Variants in SH3RF3 observed in about 807,000 individuals in gnomAD.
SH3RF3 encodes the protein SH3 domain containing ring finger 3.
A neutral mutation model predicts 66.3 loss-of-function variants in SH3RF3; 29 were observed. The ratio of observed to expected loss-of-function variants is 0.44; its 90% confidence interval spans 0.33 to 0.60. The LOEUF is 0.60. Among genes scored for constraint, SH3RF3 ranks in the 20% least tolerant of loss-of-function variants. SH3RF3 has a pLI of 0.04. For missense variants in SH3RF3, 1,194 were observed against 1,190.9 expected (o/e 1.00, Z -0.04); for synonymous variants, 583 against 532.0 (o/e 1.10, Z -1.32).
chr2:109,221,857 A>G (rs1388189509), intron 1 of SH3RF3, among the ~76,000 whole-genome samples: 2 of 151,902 alleles, frequency 1.3e-5, no homozygotes, highest in Admixed American at 1.3e-4. Context: ...ACTGCTGGGT[A>G]TTTATCCAAA....
At position 109,443,394 on chromosome 2, in the gene SH3RF3, G is replaced by A. The variant is rs146961183; in HGVS notation, c.1829-5776G>A. Among the ~76,000 whole-genome samples, 68 of 152,248 alleles carry A rather than the reference G, an allele frequency of 4.5e-4. No homozygotes were observed. The East Asian group carries it at 0.011, about 24-fold the overall frequency. Reference sequence around the variant, plus strand: ...TCTGTGTGACGCTGAAACAAAAATCGCCTTGTTCAACCTCAGCTGGGAATA... The same window carrying A: ...TCTGTGTGACGCTGAAACAAAAATCACCTTGTTCAACCTCAGCTGGGAATA... On this transcript the variant is annotated intron_variant, in intron 7 of 9. Transcript: ENST00000309415.
At chr2:109,466,160 G>A (rs1178693523) in intron 8 of SH3RF3, among the ~76,000 whole-genome samples, 1 of 133,204 alleles carries the variant, frequency 7.5e-6, no homozygotes, top group African/African-American at 2.8e-5. Context: ...GCTCACTGCT[G>A]CAACCTCTGC....
chr2:109,423,709 C>T (rs773987316), intron 5 of SH3RF3, among the ~76,000 whole-genome samples: 11 of 152,190 alleles, frequency 7.2e-5, no homozygotes, highest in Non-Finnish European at 1.3e-4. Context: ...TTTGACAGTG[C>T]CCAGCCTTGT....
intron 8 of SH3RF3, among the ~76,000 whole-genome samples, chr2:109,464,440 C>T (rs13387929): frequency 0.016 from 2,461 of 152,170 alleles, 50 homozygotes; most frequent in African/African-American, 0.054. Context: ...CACACATTCG[C>T]GTACATATAA....
intron 8 of SH3RF3, among the ~76,000 whole-genome samples, chr2:109,458,779 A>C (rs987170275): frequency 1.5e-4 from 23 of 152,216 alleles, no homozygotes; most frequent in African/African-American, 4.3e-4. Flanking sequence ...GGCGAGGCCC[A>C]CCCACATTAT....
At chr2:109,472,149 C>T (rs1209547372) in intron 8 of SH3RF3, among the ~76,000 whole-genome samples, 5 of 152,222 alleles carry the variant, frequency 3.3e-5, no homozygotes, top group African/African-American at 7.2e-5. Context: ...CCACCTGTGA[C>T]CTCATGGTAG....
At chr2:109,304,107 A>C (rs866874782) in intron 1 of SH3RF3, among the ~76,000 whole-genome samples, 1 of 151,808 alleles carries the variant, frequency 6.6e-6, no homozygotes, top group Non-Finnish European at 1.5e-5. Context: ...ATCTCAAAAA[A>C]AAAAAAGAAA....
chr2:109,154,634 G>A (rs1677295614), intron 1 of SH3RF3, among the ~76,000 whole-genome samples: 1 of 152,176 alleles, frequency 6.6e-6, no homozygotes, highest in African/African-American at 2.4e-5. Flanking sequence ...CCTGGCTTCT[G>A]GCCTCCAAAT....
chr2:109,296,393 T>G (rs1681308923), intron 1 of SH3RF3, among the ~76,000 whole-genome samples: 1 of 151,658 alleles, frequency 6.6e-6, no homozygotes, highest in Non-Finnish European at 1.5e-5. Context: ...ACACCCAGTT[T>G]TTTTTTTGTG....
At chr2:109,210,094 G>A (rs971192430) in intron 1 of SH3RF3, among the ~76,000 whole-genome samples, 1 of 152,218 alleles carries the variant, frequency 6.6e-6, no homozygotes, top group African/African-American at 2.4e-5. Flanking sequence ...ATTTAGCACA[G>A]GGTCCTCAGG....
intron 3 of SH3RF3, among the ~76,000 whole-genome samples, chr2:109,390,611 T>C (rs1675960446): frequency 6.6e-6 from 1 of 151,988 alleles, no homozygotes; most frequent in African/African-American, 2.4e-5. Context: ...GGAAGAAGGG[T>C]GACATAACTA....
At chr2:109,212,246 C>T (rs1169363517) in intron 1 of SH3RF3, among the ~76,000 whole-genome samples, 1 of 152,170 alleles carries the variant, frequency 6.6e-6, no homozygotes, top group African/African-American at 2.4e-5. Context: ...TCACTTCCCT[C>T]CAACTCCATG....
intron 1 of SH3RF3, among the ~76,000 whole-genome samples, chr2:109,239,040 G>A (rs1352751303): frequency 6.6e-6 from 1 of 152,202 alleles, no homozygotes; most frequent in African/African-American, 2.4e-5. Context: ...ATAAAAATAA[G>A]CAAGTTCCCT....
intron 8 of SH3RF3, among the ~76,000 whole-genome samples, chr2:109,453,792 A>G (rs1388084525): frequency 6.6e-6 from 1 of 152,108 alleles, no homozygotes; most frequent in Non-Finnish European, 1.5e-5. Flanking sequence ...TGCGTGTGGG[A>G]ACAGAGGGTC....
rs2104788163 is a variant in SH3RF3, at chr2:109,129,574, A to G, written c.34A>G (p.Lys12Glu). 7 of 1,486,612 alleles carry G rather than the reference A, an allele frequency of 4.7e-6. No individual in the cohort carries two copies. The highest frequency in any genetic ancestry group is 4.6e-5 in the Admixed American group (2 of 43,556). The allele number at this position is 1,486,612 out of a possible 1,614,324, so 92.1% of individuals were successfully genotyped here. Residue 12 changes from lysine (K) to glutamate (E), a missense_variant, in exon 1 of 10, where the codon AAG becomes GAG. Coordinates refer to ENST00000309415, the MANE Select transcript of SH3RF3 (RefSeq NM_001099289.3). ...CGGAGCGTCCTGGCTGTGCGCATCC[A>G]AGGCGGCCGCCGCTGCTGCGCAGAG... ...LLGASWLCAS[K>E]AAAAAAQSEG...
intron 6 of SH3RF3, among the ~76,000 whole-genome samples, chr2:109,435,468 G>A (rs1573249708): frequency 2.0e-5 from 3 of 152,204 alleles, no homozygotes; most frequent in South Asian, 4.1e-4. Context: ...TGCCCCCATC[G>A]TGCTAGGAGG....
chr2:109,279,304 A>G (rs1391056284), intron 1 of SH3RF3, among the ~76,000 whole-genome samples: 1 of 152,094 alleles, frequency 6.6e-6, no homozygotes, highest in Non-Finnish European at 1.5e-5. Context: ...CTGCAAAGGG[A>G]TTGCAGTGGC....
At chr2:109,216,351 C>T (rs1415038779) in intron 1 of SH3RF3, among the ~76,000 whole-genome samples, 2 of 152,226 alleles carry the variant, frequency 1.3e-5, no homozygotes, top group Non-Finnish European at 2.9e-5. Flanking sequence ...TGTTTCCACA[C>T]CTCACAGCAT....
chr2:109,244,207 T>C (rs13395838), intron 1 of SH3RF3, among the ~76,000 whole-genome samples: 5,875 of 152,264 alleles, frequency 0.039, 376 homozygotes, highest in African/African-American at 0.13. Flanking sequence ...TGGATTCTAA[T>C]CCGAGCTGGA....
Sources: allele counts gnomAD v4.1 joint callset (sites outside exome capture counted in the v4.1 genomes callset), GRCh38; gene constraint gnomAD v4.1.1; transcripts MANE v1.5; gene names NCBI Gene and HGNC (gene_info 2026-07-23, HGNC 2026-07-21).